ULK4: variants seen among roughly 807,000 people sequenced by gnomAD.
ULK4 encodes inactive serine/threonine-protein kinase ULK4.
ULK4 carries 133 observed loss-of-function variants against 160.6 expected under a neutral mutation model. The ratio of observed to expected loss-of-function variants is 0.83; its 90% CI spans 0.72 to 0.96. The LOEUF (loss-of-function observed/expected upper bound fraction) is 0.96, where lower values mean the gene tolerates loss of function less well. Among genes scored for constraint, ULK4 ranks in the 40% least tolerant of loss-of-function variants. The pLI, the probability that ULK4 is intolerant of heterozygous loss-of-function variation, is 0.00. For missense variants in ULK4, 1,580 were observed against 1,499.5 expected, an observed-to-expected ratio of 1.05 and a Z score of -0.89; for synonymous variants, 534 against 539.8, an observed-to-expected ratio of 0.99 and a Z score of 0.15.
rs543309012 is a variant in ULK4 at position 41,546,165 on chromosome 3, G to T, written c.3226+19860C>A. ...CTGTACCCCCTAAGTTTTGGTTTAT[G>T]CTAGTCACTGTGAATAATATGTTGT... is the stretch of plus-strand genomic sequence containing the variant. On this transcript the variant is annotated intron_variant, in intron 32 of 36. Transcript: ENST00000301831. Among the ~76,000 whole-genome samples the T allele has an allele frequency of 2.0e-4, 30 of 152,066 alleles. 3 individuals carry two copies. The South Asian group carries it at 6.3e-3, about 32-fold the overall frequency.
chr3:41,895,854 C>T (rs1280682510), intron 15 of ULK4, among the ~76,000 whole-genome samples: 1 of 152,112 alleles, frequency 6.6e-6, no homozygotes, highest in Admixed American at 6.6e-5. Flanking sequence ...TTAATACTAT[C>T]CTGGAAGCAA....
At chr3:41,846,594 C>A (rs2042074963) in intron 17 of ULK4, among the ~76,000 whole-genome samples, 1 of 152,026 alleles carries the variant, frequency 6.6e-6, no homozygotes, top group South Asian at 2.1e-4. Context: ...TGTCTGAGGT[C>A]AGGAGTTCAA....
intron 21 of ULK4, among the ~76,000 whole-genome samples, chr3:41,779,986 A>AG (rs2039771568): frequency 1.8e-5 from 1 of 54,128 alleles, no homozygotes; most frequent in African/African-American, 2.7e-4. Flanking sequence ...AGAGTATAAT[A>AG]AAAAAAAAAA....
chr3:41,496,300 C>G (rs1238830156), intron 32 of ULK4, among the ~76,000 whole-genome samples: 2 of 151,972 alleles, frequency 1.3e-5, no homozygotes, highest in Non-Finnish European at 2.9e-5. Context: ...CAACTAGTAC[C>G]AAACTAGTCC....
chr3:41,873,437 TGCC>T lies in ULK4; in HGVS notation c.1656+10434_1656+10436del, dbSNP rs559269523. 1.7e-3 allele frequency among the ~76,000 whole-genome samples: 253 copies of T among 152,290 alleles called. 1 individual carries two copies. Among genetic ancestry groups the T allele is most frequent in the African/African-American group, 5.7e-3 (237 of 41,538 alleles). On this transcript the variant is annotated intron_variant, in intron 17 of 36. Coordinates refer to ENST00000301831, the MANE Select transcript of ULK4 (RefSeq NM_017886.4). ...AGTATTACTATTTCAGGATTTTAGC[TGCC>T]GCCATTTCTGACTTTTGAAAATTTC...
chr3:41,278,018 G>C (rs565090748), intron 35 of ULK4: 3 of 152,422 alleles, frequency 2.0e-5, no homozygotes, highest in African/African-American at 4.8e-5. Context: ...ACAAGGGGTC[G>C]GGGGATTTCC....
At chr3:41,824,620 G>A (rs537548627) in intron 18 of ULK4, among the ~76,000 whole-genome samples, 90 of 152,278 alleles carry the variant, frequency 5.9e-4, no homozygotes, top group African/African-American at 1.8e-3. Context: ...GCTGGGGGAG[G>A]GGTGCCTACC....
At chr3:41,834,666 T>C (rs747160328) in intron 18 of ULK4, among the ~76,000 whole-genome samples, 1 of 152,222 alleles carries the variant, frequency 6.6e-6, no homozygotes, top group Non-Finnish European at 1.5e-5. Context: ...AAAATGATGA[T>C]TGTTCAGAAA....
intron 32 of ULK4, among the ~76,000 whole-genome samples, chr3:41,528,448 T>C (rs553440475): frequency 2.0e-5 from 3 of 152,194 alleles, no homozygotes; most frequent in Non-Finnish European, 4.4e-5. Context: ...TTTTGGGAAC[T>C]ATAGCATCTT....
chr3:41,550,203 A>T (rs2087008962), intron 32 of ULK4, among the ~76,000 whole-genome samples: 1 of 151,860 alleles, frequency 6.6e-6, no homozygotes, highest in Non-Finnish European at 1.5e-5. Context: ...TAACTACGGT[A>T]AACAATAAAA....
chr3:41,634,889 T>C (rs920502350), intron 30 of ULK4, among the ~76,000 whole-genome samples: 1 of 152,100 alleles, frequency 6.6e-6, no homozygotes, highest in Non-Finnish European at 1.5e-5. Flanking sequence ...CATGGTTGGA[T>C]GAGAAGAGCA....
intron 34 of ULK4, among the ~76,000 whole-genome samples, chr3:41,436,562 A>G (rs1575216326): frequency 6.6e-6 from 1 of 152,338 alleles, no homozygotes; most frequent in Non-Finnish European, 1.5e-5. Context: ...GAAAACTGTC[A>G]TTTTAACTCC....
intron 32 of ULK4, among the ~76,000 whole-genome samples, chr3:41,513,068 A>C (rs933535291): frequency 3.9e-5 from 6 of 152,214 alleles, no homozygotes; most frequent in African/African-American, 1.4e-4. Flanking sequence ...TATTCAACAA[A>C]TGGTGCTGGG....
At chr3:41,385,243 T>A (rs2081778579) in intron 35 of ULK4, among the ~76,000 whole-genome samples, 1 of 152,174 alleles carries the variant, frequency 6.6e-6, no homozygotes, top group South Asian at 2.1e-4. Context: ...GCCCGTCCTA[T>A]GATTCTTTCA....
At chr3:41,569,248 A>C (rs904329849) in intron 31 of ULK4, among the ~76,000 whole-genome samples, 1 of 152,106 alleles carries the variant, frequency 6.6e-6, no homozygotes, top group Non-Finnish European at 1.5e-5. Flanking sequence ...TGATCAACTT[A>C]ACCTCAGCCC....
intron 27 of ULK4, among the ~76,000 whole-genome samples, chr3:41,682,830 A>T (rs375518615): frequency 6.6e-6 from 1 of 152,224 alleles, no homozygotes; most frequent in Non-Finnish European, 1.5e-5. Context: ...TATGCAAAGG[A>T]AAGAAATATA....
intron 16 of ULK4, among the ~76,000 whole-genome samples, chr3:41,890,742 AGGAGGGACG>A (rs770700142): frequency 0.69 from 5,443 of 7,886 alleles, 2,338 homozygotes; most frequent in Non-Finnish European, 0.87. Context: ...AGGAAGGGAC[AGGAGGGACG>A]GGAGGGACGG....
At chr3:41,499,338 C>T (rs1219007282) in intron 32 of ULK4, among the ~76,000 whole-genome samples, 1 of 152,180 alleles carries the variant, frequency 6.6e-6, no homozygotes, top group Admixed American at 6.5e-5. Flanking sequence ...TGCTTTTGAA[C>T]TCCCCTGGGC....
intron 20 of ULK4, among the ~76,000 whole-genome samples, chr3:41,798,210 T>C (rs2125601799): frequency 6.6e-6 from 1 of 152,218 alleles, no homozygotes; most frequent in Non-Finnish European, 1.5e-5. Context: ...ATGCTGAGTA[T>C]AAGGATGAAA....
Sources: gnomAD v4.1 joint callset for allele counts (sites outside exome capture counted in the v4.1 genomes callset) on GRCh38, gnomAD v4.1.1 for gene constraint, MANE v1.5 for transcripts, NCBI Gene and HGNC (gene_info 2026-07-23, HGNC 2026-07-21) for gene names.